FAXC: variants seen among roughly 807,000 people sequenced by gnomAD.
FAXC encodes failed axon connections homolog, metaxin like GST domain containing.
A neutral mutation model predicts 41.9 loss-of-function variants in FAXC; 10 were observed. The ratio of observed to expected loss-of-function variants is 0.24; its 90% CI spans 0.15 to 0.41. FAXC has a LOEUF of 0.41. Among genes scored for constraint, FAXC ranks in the 10% least tolerant of loss-of-function variants. The pLI is 1.00. For missense variants in FAXC, 399 were observed against 510.9 expected (o/e 0.78, Z 2.11); for synonymous variants, 183 against 183.8 (o/e 1.00, Z 0.03).
intron 3 of FAXC, among the ~76,000 whole-genome samples, chr6:99,330,248 C>T (rs755563370): frequency 3.9e-5 from 6 of 152,106 alleles, no homozygotes; most frequent in South Asian, 2.1e-4. Flanking sequence ...ACTCTGAAGA[C>T]GCTCACTGAC....
chr6:99,349,528 C>CG lies in FAXC; in HGVS notation c.-157_-156insC, dbSNP rs1188027502. The CG allele has an allele frequency of 1.8e-4, 63 of 354,680 alleles. No homozygotes were observed. The highest frequency in any genetic ancestry group is 1.4e-3 in the Middle Eastern group (1 of 698). 22.0% of individuals were successfully genotyped at this position (354,680 alleles called of 1,614,324 possible). A position where few individuals can be genotyped will look rare whatever the true frequency, so the allele number is the denominator to read the frequency against. On this transcript the variant is annotated 5_prime_UTR_variant, in exon 1 of 6. Transcript: ENST00000389677. The stretch of plus-strand genomic sequence containing the variant: ...GCGGCGGCGACTGAGGAGGCGGCGG[C>CG]AGAGGAGGAGGAGGAGGAAGGGCAC...
intron 4 of FAXC, among the ~76,000 whole-genome samples, chr6:99,320,918 G>A (rs1156293949): frequency 6.6e-6 from 1 of 152,200 alleles, no homozygotes; most frequent in Non-Finnish European, 1.5e-5. Context: ...CCTGACTTGT[G>A]CAGATCCTCA....
chr6:99,293,714 CTGTG>C (rs72463794), intron 4 of FAXC, among the ~76,000 whole-genome samples: 14 of 64,124 alleles, frequency 2.2e-4, no homozygotes, highest in East Asian at 6.8e-4. Flanking sequence ...GTGTGTGTGT[CTGTG>C]TGTGTGTGTG....
At chr6:99,338,801 A>C (rs907122237) in intron 2 of FAXC, among the ~76,000 whole-genome samples, 1 of 152,114 alleles carries the variant, frequency 6.6e-6, no homozygotes, top group Non-Finnish European at 1.5e-5. Context: ...TGTTTCTTCC[A>C]TTGCTGTCTT....
At chr6:99,286,038 C>T (rs367959257) in intron 5 of FAXC, among the ~76,000 whole-genome samples, 3 of 152,098 alleles carry the variant, frequency 2.0e-5, no homozygotes, top group South Asian at 2.1e-4. Context: ...CCCTTGGTCA[C>T]GAACCAGCAA....
chr6:99,347,389 G>A (rs914938582), intron 1 of FAXC, among the ~76,000 whole-genome samples: 13 of 139,282 alleles, frequency 9.3e-5, no homozygotes, highest in African/African-American at 1.7e-4. Context: ...GCGACAAAGC[G>A]AGACTCAGTC....
Position 99,288,916 on chromosome 6 carries a change from A to T in FAXC, c.940+2788T>A, listed in dbSNP as rs221547. Among the ~76,000 whole-genome samples, 1,008 of 144,024 alleles carry T rather than the reference A, an allele frequency of 7.0e-3. 9 individuals are homozygous for T. Among genetic ancestry groups the T allele is most frequent in the African/African-American group, 0.025 (988 of 38,816 alleles). 94.5% of individuals were successfully genotyped at this position (144,024 alleles called of 152,430 possible). A position where few individuals can be genotyped will look rare whatever the true frequency, so the allele number is the denominator to read the frequency against. ...TGCAGGCTCCACCACTTCCCCACCC[A>T]TCTACATGACCACCACACATGACTG... On this transcript the variant is annotated intron_variant, in intron 5 of 5. Coordinates refer to ENST00000389677, the MANE Select transcript of FAXC (RefSeq NM_032511.4).
At chr6:99,337,787 T>C (rs1773267805) in intron 2 of FAXC, among the ~76,000 whole-genome samples, 1 of 152,238 alleles carries the variant, frequency 6.6e-6, no homozygotes, top group African/African-American at 2.4e-5. Flanking sequence ...TTCAATACAT[T>C]GAGCTTTTTT....
chr6:99,331,758 G>A (rs188975226), intron 3 of FAXC, among the ~76,000 whole-genome samples: 28 of 152,332 alleles, frequency 1.8e-4, no homozygotes, highest in Non-Finnish European at 4.0e-4. Flanking sequence ...CATGGGTCAC[G>A]TGGCCTTGTG....
chr6:99,311,596 T>C (rs150354518), intron 4 of FAXC, among the ~76,000 whole-genome samples: 6 of 152,078 alleles, frequency 3.9e-5, no homozygotes, highest in African/African-American at 9.6e-5. Flanking sequence ...AATAAATACA[T>C]ACATACATAC....
In FAXC at chr6:99,349,085, C is replaced by A. The variant is rs149005373; in HGVS notation, c.266+22G>T. On this transcript the variant is annotated intron_variant, in intron 1 of 5. Coordinates refer to ENST00000389677, the MANE Select transcript of FAXC (RefSeq NM_032511.4). ...AGGTGCCCCTCTCTGCGCCCCTGTG[C>A]GGGGCCCTCTCTCCGGCTCACCTAA... The A allele has an allele frequency of 6.7e-4, 1,084 of 1,609,868 alleles. 19 individuals are homozygous for A. The East Asian group carries it at 0.024, about 36-fold the overall frequency.
In FAXC at chr6:99,349,443, C is replaced by G. The variant is rs1003282919; in HGVS notation, c.-71G>C. On this transcript the variant is annotated 5_prime_UTR_variant, in exon 1 of 6. Coordinates refer to ENST00000389677, the MANE Select transcript of FAXC (RefSeq NM_032511.4). Reference sequence around the variant, plus strand: ...CGCATGGGAAGGGGCCGGCGCGGCCCGGCGCGGGCTCAGAGGCGCGCGGAG... The same window carrying G: ...CGCATGGGAAGGGGCCGGCGCGGCCGGGCGCGGGCTCAGAGGCGCGCGGAG... The G allele has an allele frequency of 3.9e-5, 45 of 1,167,492 alleles. No individual in the cohort carries two copies. Among genetic ancestry groups the G allele is most frequent in the Non-Finnish European group, 4.5e-5 (43 of 945,552 alleles). The allele number at this position is 1,167,492 out of a possible 1,614,324, so 72.3% of individuals were successfully genotyped here.
rs1176334961 is a variant in FAXC, at chr6:99,281,309, C to T, written c.1085G>A (p.Ser362Asn). Residue 362 changes from serine to asparagine, a missense_variant, in exon 6 of 6, where the codon AGC becomes AAC. Around this residue, in one of 3 missense-constraint regions of FAXC, gnomAD observed 92 missense variants for 94.9 expected, o/e 0.97. Transcript: ENST00000389677. ...AAAGGTCTCTGTCCTTGAGTAAAAGCTAAAATCCAGCAGCGGGGTGTGGGT... is the reference window on the plus strand; with the variant it reads ...AAAGGTCTCTGTCCTTGAGTAAAAGTTAAAATCCAGCAGCGGGGTGTGGGT... ...SKTHTPLLDF[S>N]FYSRTETFED... 2 of 1,614,180 alleles carry T rather than the reference C, an allele frequency of 1.2e-6. No individual in the cohort carries two copies. Among genetic ancestry groups the T allele is most frequent in the Non-Finnish European group, 1.7e-6 (2 of 1,180,014 alleles).
intron 4 of FAXC, among the ~76,000 whole-genome samples, chr6:99,293,403 A>C (rs921164621): frequency 1.3e-5 from 2 of 152,060 alleles, no homozygotes; most frequent in South Asian, 4.1e-4. Context: ...AATTCTATCC[A>C]TCCGTCAAGG....
At chr6:99,309,128 C>A (rs1375551036) in intron 4 of FAXC, among the ~76,000 whole-genome samples, 1 of 152,082 alleles carries the variant, frequency 6.6e-6, no homozygotes, top group Non-Finnish European at 1.5e-5. Flanking sequence ...ATATTCACCT[C>A]TAACACATAA....
intron 3 of FAXC, among the ~76,000 whole-genome samples, chr6:99,329,853 TGTATGTGTGCACGC>T (rs1280291724): frequency 6.7e-6 from 1 of 150,368 alleles, no homozygotes; most frequent in African/African-American, 2.4e-5. Flanking sequence ...AATGCCTGTG[TGTATGTGTGCACGC>T]GTGCACACAT....
chr6:99,285,385 A>G (rs528002291), intron 5 of FAXC, among the ~76,000 whole-genome samples: 10 of 152,350 alleles, frequency 6.6e-5, no homozygotes, highest in African/African-American at 2.2e-4. Flanking sequence ...TGTTAAAATG[A>G]TATGATATTC....
Position 99,342,995 on chromosome 6 carries a change from AAAAT to A in FAXC, c.301_304del (p.Ile101CysfsTer19). 1 of 1,611,534 alleles carries A rather than the reference AAAAT, an allele frequency of 6.2e-7. No homozygotes were observed. Among genetic ancestry groups the A allele is most frequent in the African/African-American group, 1.3e-5 (1 of 74,922 alleles). Reference sequence around the variant, plus strand: ...ATTGTTAGGTCTTGCAAACTGATGCAAAATAATAGCATCTTTAGAGTCAATCTCT... The same window carrying A: ...ATTGTTAGGTCTTGCAAACTGATGCAAATAGCATCTTTAGAGTCAATCTCT... On this transcript the variant is annotated frameshift_variant, in exon 2 of 6. Transcript: ENST00000389677. LOFTEE classifies it high-confidence loss of function.
At chr6:99,342,831 C>A in intron 2 of FAXC, 67 bp downstream of exon 2, 1 of 1,462,788 alleles carries the variant, frequency 6.8e-7, no homozygotes, top group Admixed American at 2.2e-5. Flanking sequence ...AATATTCCCC[C>A]CTTTAGTTAA....
Sources: gnomAD v4.1 joint callset for allele counts (sites outside exome capture counted in the v4.1 genomes callset) on GRCh38, gnomAD v4.1.1 for gene constraint, gnomAD v4.1.1 regional missense constraint, MANE v1.5 for transcripts, NCBI Gene and HGNC (gene_info 2026-07-23, HGNC 2026-07-21) for gene names.